The following OCA2 variants were observed in gnomAD, a reference collection of about 807,000 sequenced individuals.
OCA2 encodes the protein OCA2 melanosomal transmembrane protein.
OCA2 carries 77 observed loss-of-function variants against 100.2 expected under a neutral mutation model. That is an observed-to-expected ratio of 0.77 (90% CI 0.64 to 0.93). The LOEUF (loss-of-function observed/expected upper bound fraction) is 0.93. Ranked by LOEUF, OCA2 falls within the 40% of genes least tolerant of loss-of-function variation. OCA2 has a pLI of 0.00. For synonymous variants in OCA2, 432 were observed against 439.2 expected (o/e 0.98, Z 0.21); for missense variants, 1,062 against 1,089.1 (o/e 0.98, Z 0.35).
intron 23 of OCA2, among the ~76,000 whole-genome samples, chr15:27,777,833 G>A (rs974406245): frequency 2.0e-5 from 3 of 152,146 alleles, no homozygotes; most frequent in African/African-American, 7.2e-5. Context: ...TGACTATTCT[G>A]ACTGCCTTAT....
At chr15:28,050,180 G>A (rs939266017) in intron 2 of OCA2, among the ~76,000 whole-genome samples, 1 of 152,188 alleles carries the variant, frequency 6.6e-6, no homozygotes, top group African/African-American at 2.4e-5. Flanking sequence ...AGCTACTCAG[G>A]AGGGTGAGGT....
chr15:28,066,043 A>C (rs1380315871), intron 2 of OCA2, among the ~76,000 whole-genome samples: 1 of 152,200 alleles, frequency 6.6e-6, no homozygotes, highest in Non-Finnish European at 1.5e-5. Context: ...AAAAGTTGCT[A>C]TACTTAATAA....
intron 19 of OCA2, among the ~76,000 whole-genome samples, chr15:27,877,415 T>G (rs1446516788): frequency 6.6e-6 from 1 of 151,990 alleles, no homozygotes; most frequent in Non-Finnish European, 1.5e-5. Context: ...TATCAATTTC[T>G]GAAGAGTGAT....
At chr15:27,733,834 A>G in the OCA2 span, among the ~76,000 whole-genome samples, 1 of 151,994 alleles carries the variant, frequency 6.6e-6, no homozygotes, top group African/African-American at 2.4e-5. Flanking sequence ...TTAAAATATC[A>G]TTTAAAATAT....
intron 14 of OCA2, among the ~76,000 whole-genome samples, chr15:27,971,992 G>C (rs1391550355): frequency 1.3e-5 from 2 of 152,032 alleles, no homozygotes; most frequent in Non-Finnish European, 2.9e-5. Flanking sequence ...CCTCTTCCTA[G>C]TCTCCAATGT....
chr15:27,943,731 C>T (rs2039734410), intron 18 of OCA2, among the ~76,000 whole-genome samples: 2 of 150,574 alleles, frequency 1.3e-5, no homozygotes, highest in African/African-American at 4.9e-5. Flanking sequence ...CCAGGCTCTT[C>T]TTTCTATTGA....
chr15:28,082,253 C>T (rs940792160), intron 1 of OCA2, among the ~76,000 whole-genome samples: 3 of 152,124 alleles, frequency 2.0e-5, no homozygotes, highest in African/African-American at 4.8e-5. Flanking sequence ...ATCAGCAGGA[C>T]GTGGGCGGGG....
At chr15:27,913,899 G>GAA (rs1567098702) in intron 19 of OCA2, among the ~76,000 whole-genome samples, 673 of 32,774 alleles carry the variant, frequency 0.021, 69 homozygotes, top group East Asian at 0.076. Context: ...AAGAAAGCAA[G>GAA]CAAGCAAGCA....
intron 18 of OCA2, among the ~76,000 whole-genome samples, chr15:27,937,017 C>T (rs2039478570): frequency 6.6e-6 from 1 of 152,094 alleles, no homozygotes; most frequent in African/African-American, 2.4e-5. Flanking sequence ...CTTTCCCCTC[C>T]CTCTCTCTTC....
chr15:27,761,203 A>T (rs1161046497), intron 23 of OCA2, among the ~76,000 whole-genome samples: 1 of 152,152 alleles, frequency 6.6e-6, no homozygotes, highest in Non-Finnish European at 1.5e-5. Context: ...AAAGCAAAAC[A>T]AAACATTTCT....
chr15:27,941,961 C>T (rs2039663453), intron 18 of OCA2, among the ~76,000 whole-genome samples: 1 of 152,080 alleles, frequency 6.6e-6, no homozygotes, highest in Non-Finnish European at 1.5e-5. Flanking sequence ...AATGAAGTAC[C>T]ACTTCACGCC....
chr15:27,954,159 A>ACACACACACACC (rs147024497), intron 17 of OCA2, among the ~76,000 whole-genome samples: 40 of 55,116 alleles, frequency 7.3e-4, no homozygotes, highest in African/African-American at 1.4e-3. Flanking sequence ...ACACACACAC[A>ACACACACACACC]CCTAGGGTCA....
At chr15:27,921,130 G>A (rs905689318) in intron 19 of OCA2, among the ~76,000 whole-genome samples, 12 of 151,404 alleles carry the variant, frequency 7.9e-5, no homozygotes, top group African/African-American at 1.7e-4. Flanking sequence ...ACGTAAGTAG[G>A]AGAAACACAA....
intron 13 of OCA2, among the ~76,000 whole-genome samples, chr15:27,984,101 T>C (rs1381628559): frequency 6.6e-6 from 1 of 151,886 alleles, no homozygotes. Context: ...ATCTGTTCTT[T>C]ACCCTGGGAG....
intron 23 of OCA2, among the ~76,000 whole-genome samples, chr15:27,838,847 A>C (rs752335187): frequency 5.9e-5 from 9 of 152,192 alleles, no homozygotes; most frequent in Non-Finnish European, 1.0e-4. Context: ...ACGAAAGCTC[A>C]GGGGTACTGT....
In OCA2 at chr15:27,846,819, G is replaced by A. The variant is rs150417630; in HGVS notation, c.2339-1767C>T. On this transcript the variant is annotated intron_variant, in intron 22 of 23. Transcript: ENST00000354638. Reference sequence around the variant, plus strand: ...GGATCTGGAGGAGGGGCTGCATACCGCCTGGGGCCTGCATGAGGAAGGCTG... The same window carrying A: ...GGATCTGGAGGAGGGGCTGCATACCACCTGGGGCCTGCATGAGGAAGGCTG... Among the ~76,000 whole-genome samples, 774 of 152,252 alleles carry A rather than the reference G, an allele frequency of 5.1e-3. 9 individuals are homozygous for A. The highest frequency in any genetic ancestry group is 0.018 in the African/African-American group (727 of 41,536).
At chr15:27,837,535 G>A (rs950875805) in intron 23 of OCA2, among the ~76,000 whole-genome samples, 1 of 152,076 alleles carries the variant, frequency 6.6e-6, no homozygotes, top group Non-Finnish European at 1.5e-5. Context: ...CCCTTGCAAG[G>A]AGCCAGAGAA....
chr15:27,925,862 A>G (rs2039023525), intron 19 of OCA2, among the ~76,000 whole-genome samples: 1 of 152,204 alleles, frequency 6.6e-6, no homozygotes, highest in South Asian at 2.1e-4. Context: ...AGTAAATTAT[A>G]TTTTATAGAA....
Position 27,844,989 on chromosome 15 carries a change from C to T in OCA2, c.2402G>A (p.Gly801Glu). Residue 801 changes from glycine (G) to glutamate (E), a missense_variant, in exon 23 of 24, where the codon GGA becomes GAA. Gly to Glu is a moderately conservative substitution (Grantham distance 98). Coordinates refer to ENST00000354638, the MANE Select transcript of OCA2 (RefSeq NM_000275.3). ...VVCAGIAEQH[G>E]YGFSFMEFFR... ...AAATTCCATGAAGGAGAACCCATATCCATGCTGTTCTGCAATCCCTGCACA... is the reference window on the plus strand; with the variant it reads ...AAATTCCATGAAGGAGAACCCATATTCATGCTGTTCTGCAATCCCTGCACA... 1 of 1,613,488 alleles carries T rather than the reference C, an allele frequency of 6.2e-7. No homozygotes were observed. Among genetic ancestry groups the T allele is most frequent in the Non-Finnish European group, 8.5e-7 (1 of 1,179,488 alleles).
Sources: allele counts gnomAD v4.1 joint callset (sites outside exome capture counted in the v4.1 genomes callset), GRCh38; gene constraint gnomAD v4.1.1; transcripts MANE v1.5; gene names NCBI Gene and HGNC (gene_info 2026-07-23, HGNC 2026-07-21).